The following SMYD3 variants were observed in gnomAD, a reference collection of about 807,000 sequenced individuals.
SMYD3 encodes SET and MYND domain containing 3.
A neutral mutation model predicts 57.7 loss-of-function variants in SMYD3; 36 were observed. That is an observed-to-expected ratio of 0.62 (90% CI 0.48 to 0.82). The LOEUF (loss-of-function observed/expected upper bound fraction) is 0.82. Among genes scored for constraint, SMYD3 ranks in the 40% least tolerant of loss-of-function variants. SMYD3 has a pLI of 0.00. For synonymous variants in SMYD3, 211 were observed against 195.0 expected, an observed-to-expected ratio of 1.08 and a Z score of -0.68; for missense variants, 515 against 538.8, an observed-to-expected ratio of 0.96 and a Z score of 0.44.
chr1:245,828,474 GA>G (rs2049629630), intron 10 of SMYD3, among the ~76,000 whole-genome samples: 1 of 151,986 alleles, frequency 6.6e-6, no homozygotes, highest in African/African-American at 2.4e-5. Context: ...TGAAACACTT[GA>G]ACACATTATT....
At chr1:246,253,057 AG>A (rs2063821380) in intron 5 of SMYD3, among the ~76,000 whole-genome samples, 1 of 152,244 alleles carries the variant, frequency 6.6e-6, no homozygotes, top group Non-Finnish European at 1.5e-5. Context: ...ACTTCTAAAA[AG>A]GATGAAAATA....
At position 245,948,991 on chromosome 1, in the gene SMYD3, G is replaced by A. The variant is rs367683114; in HGVS notation, c.532-19054C>T. Among the ~76,000 whole-genome samples the A allele has an allele frequency of 5.9e-5, 9 of 152,268 alleles. No homozygotes were observed. In the East Asian group the frequency reaches 1.4e-3, roughly 23 times the overall value. On this transcript the variant is annotated intron_variant, in intron 5 of 11. Coordinates refer to ENST00000490107, the MANE Select transcript of SMYD3 (RefSeq NM_001167740.2). Reference sequence around the variant, plus strand: ...TGCAAGCCTGAGGATGGGCCTGCCCGACCTGCCGCTACCAGCACATCTAGC... The same window carrying A: ...TGCAAGCCTGAGGATGGGCCTGCCCAACCTGCCGCTACCAGCACATCTAGC...
chr1:245,994,155 A>T (rs1172337240), intron 5 of SMYD3, among the ~76,000 whole-genome samples: 1 of 152,116 alleles, frequency 6.6e-6, no homozygotes, highest in Non-Finnish European at 1.5e-5. Flanking sequence ...AGTTTCTGTT[A>T]CTCTTATCTT....
Position 246,314,007 on chromosome 1 carries a change from T to C in SMYD3, c.531+13194A>G, listed in dbSNP as rs553328951. 1.1e-3 allele frequency among the ~76,000 whole-genome samples: 165 copies of C among 152,312 alleles called. 1 individual carries two copies. Among genetic ancestry groups the C allele is most frequent in the South Asian group, 3.5e-3 (17 of 4,824 alleles). ...GTACCTTAACTCCATGCAAATTCCA[T>C]GTCAATTATCTTTATTTTCACATAC... On this transcript the variant is annotated intron_variant, in intron 5 of 11. Transcript: ENST00000490107.
At chr1:246,084,766 T>G (rs1053573186) in intron 5 of SMYD3, among the ~76,000 whole-genome samples, 9 of 152,246 alleles carry the variant, frequency 5.9e-5, no homozygotes, top group Non-Finnish European at 1.2e-4. Flanking sequence ...AAGCTGTTAC[T>G]GGTCTATCAA....
chr1:246,360,467 T>C (rs993308908), intron 1 of SMYD3, among the ~76,000 whole-genome samples: 2 of 151,924 alleles, frequency 1.3e-5, no homozygotes, highest in African/African-American at 4.8e-5. Context: ...CTAAAATTCA[T>C]ACGGAACCAA....
At chr1:245,986,914 A>G (rs899108231) in intron 5 of SMYD3, among the ~76,000 whole-genome samples, 1 of 152,260 alleles carries the variant, frequency 6.6e-6, no homozygotes, top group Non-Finnish European at 1.5e-5. Context: ...AGAGACAAAT[A>G]TAAGTAAAAC....
At chr1:246,494,232 A>C (rs1031906881) in intron 1 of SMYD3, among the ~76,000 whole-genome samples, 8 of 152,336 alleles carry the variant, frequency 5.3e-5, no homozygotes, top group African/African-American at 9.6e-5. Flanking sequence ...CCAACTTATA[A>C]TCTATCATCT....
At chr1:245,755,190 G>A (rs532743033) in intron 11 of SMYD3, among the ~76,000 whole-genome samples, 4 of 152,306 alleles carry the variant, frequency 2.6e-5, no homozygotes, top group East Asian at 1.9e-4. Flanking sequence ...CAGCTACAAG[G>A]CGTGGATTTG....
chr1:245,858,743 G>A (rs2051383742), intron 9 of SMYD3, 73 bp from the exon 10 acceptor site: 2 of 1,495,068 alleles, frequency 1.3e-6, no homozygotes, highest in South Asian at 2.6e-5. Context: ...TTCTCTAAAA[G>A]GCTAAAGAGC....
chr1:245,952,969 A>C (rs1178490456), intron 5 of SMYD3, among the ~76,000 whole-genome samples: 2 of 152,198 alleles, frequency 1.3e-5, no homozygotes, highest in African/African-American at 4.8e-5. Flanking sequence ...TTTAGTTTTC[A>C]TAAAATACTA....
At chr1:245,998,316 G>C (rs759593747) in intron 5 of SMYD3, among the ~76,000 whole-genome samples, 28 of 152,174 alleles carry the variant, frequency 1.8e-4, no homozygotes, top group Non-Finnish European at 4.1e-4. Flanking sequence ...AGAGGTTTTG[G>C]AACGTGATAG....
intron 1 of SMYD3, among the ~76,000 whole-genome samples, chr1:246,467,209 T>A (rs2067895078): frequency 6.6e-6 from 1 of 151,930 alleles, no homozygotes; most frequent in African/African-American, 2.4e-5. Flanking sequence ...TAAAATACAC[T>A]TACCAATAAA....
At chr1:246,076,676 T>G (rs1186153519) in intron 5 of SMYD3, among the ~76,000 whole-genome samples, 1 of 66,448 alleles carries the variant, frequency 1.5e-5, no homozygotes, top group Non-Finnish European at 2.4e-5. Flanking sequence ...TGTCTGGTTT[T>G]GTTTTTTTTT....
chr1:245,948,848 C>G (rs1021726331), intron 5 of SMYD3, among the ~76,000 whole-genome samples: 1 of 152,194 alleles, frequency 6.6e-6, no homozygotes, highest in Non-Finnish European at 1.5e-5. Flanking sequence ...CCAAAGCACA[C>G]ACTCTTCAGG....
At chr1:246,426,395 G>C (rs1202558613) in intron 1 of SMYD3, among the ~76,000 whole-genome samples, 1 of 152,100 alleles carries the variant, frequency 6.6e-6, no homozygotes, top group African/African-American at 2.4e-5. Context: ...AGGCCCATTA[G>C]GAGTTACTCC....
At chr1:245,805,688 T>C (rs956136318) in intron 10 of SMYD3, among the ~76,000 whole-genome samples, 7 of 152,138 alleles carry the variant, frequency 4.6e-5, no homozygotes, top group Non-Finnish European at 1.0e-4. Flanking sequence ...CTTTGAAAAA[T>C]CAATATTCAG....
chr1:245,906,212 T>A (rs960547249), intron 8 of SMYD3, among the ~76,000 whole-genome samples: 15 of 152,020 alleles, frequency 9.9e-5, no homozygotes, highest in Non-Finnish European at 2.1e-4. Flanking sequence ...AGACAACCCA[T>A]GGAATGGGAG....
intron 5 of SMYD3, among the ~76,000 whole-genome samples, chr1:246,247,446 T>A (rs1296348319): frequency 2.3e-5 from 2 of 88,556 alleles, no homozygotes. Flanking sequence ...GAAGGATAAC[T>A]CTCTCTCTCT....
Sources: allele counts gnomAD v4.1 joint callset (sites outside exome capture counted in the v4.1 genomes callset), GRCh38; gene constraint gnomAD v4.1.1; transcripts MANE v1.5; gene names NCBI Gene and HGNC (gene_info 2026-07-23, HGNC 2026-07-21).